Variants in GPLD1 observed in about 807,000 individuals in gnomAD.
The protein encoded by GPLD1 is phosphatidylinositol-glycan-specific phospholipase D.
A neutral mutation model predicts 112.6 loss-of-function variants in GPLD1; 84 were observed. The observed-to-expected ratio is 0.75, with a 90% CI of 0.63 to 0.89. The LOEUF is 0.89. GPLD1 is among the 40% of genes least tolerant of loss of function. The pLI is 0.00. For synonymous variants in GPLD1, 386 were observed against 403.8 expected, an observed-to-expected ratio of 0.96 and a Z score of 0.53; for missense variants, 1,044 against 1,051.5, an observed-to-expected ratio of 0.99 and a Z score of 0.10.
intron 7 of GPLD1, among the ~76,000 whole-genome samples, chr6:24,469,486 G>C (rs1763726752): frequency 1.1e-5 from 1 of 94,660 alleles, no homozygotes; most frequent in African/African-American, 4.1e-5. Flanking sequence ...TAGGGACATG[G>C]ATGAAATTGG....
chr6:24,473,078 CTT>C (rs71674147), intron 6 of GPLD1: 93,442 of 128,674 alleles, frequency 0.73, 35,763 homozygotes, highest in Non-Finnish European at 0.87. Context: ...GCCAGGCCGC[CTT>C]TTTTTTTTTT....
At chr6:24,479,806 A>G in intron 3 of GPLD1, 75 bp downstream of exon 3, 3 of 798,406 alleles carry the variant, frequency 3.8e-6, no homozygotes, top group Admixed American at 1.8e-5. Flanking sequence ...ACATATATAT[A>G]TATTTTTAAA....
At chr6:24,484,699 G>A (rs754095580) in intron 2 of GPLD1, among the ~76,000 whole-genome samples, 2 of 152,170 alleles carry the variant, frequency 1.3e-5, no homozygotes, top group African/African-American at 4.8e-5. Context: ...GCAGATTCTC[G>A]TTTCCACTCC....
chr6:24,471,154 C>G (rs572726132), intron 7 of GPLD1, among the ~76,000 whole-genome samples: 7 of 152,126 alleles, frequency 4.6e-5, no homozygotes, highest in Non-Finnish European at 8.8e-5. Flanking sequence ...ACCAAAAGGA[C>G]ATATCAGAAA....
rs1763206481 is a variant in GPLD1, at chr6:24,454,604, C to A, written c.1149-403G>T. Among the ~76,000 whole-genome samples the A allele has an allele frequency of 1.3e-5, 2 of 152,222 alleles. 1 individual carries two copies. The highest frequency in any genetic ancestry group is 4.8e-5 in the African/African-American group (2 of 41,448). The stretch of plus-strand genomic sequence containing the variant: ...TGCTCAATTCGTTTCAATGTGTTAT[C>A]TGATCAAAGACGAGCTTGTGTGAAA... On this transcript the variant is annotated intron_variant, in intron 13 of 24. Coordinates refer to ENST00000230036, the MANE Select transcript of GPLD1 (RefSeq NM_001503.4).
chr6:24,444,498 AT>A (rs567559014), intron 20 of GPLD1, among the ~76,000 whole-genome samples: 145 of 145,216 alleles, frequency 1.0e-3, no homozygotes, highest in African/African-American at 2.1e-3. Context: ...GTTCTTATTT[AT>A]TTTTTTTTTT....
At chr6:24,429,767 C>T (rs903422342) in intron 24 of GPLD1, among the ~76,000 whole-genome samples, 4 of 152,138 alleles carry the variant, frequency 2.6e-5, no homozygotes, top group African/African-American at 7.2e-5. Flanking sequence ...AGGCTGGTCT[C>T]GAACTCCCGA....
At chr6:24,460,449 C>T in intron 11 of GPLD1, 50 bp from the exon 12 acceptor site, 1 of 1,593,886 alleles carries the variant, frequency 6.3e-7, no homozygotes, top group Non-Finnish European at 8.5e-7. Context: ...AAAACAACCC[C>T]CTGTAAAACT....
At chr6:24,459,728 C>T (rs946515852) in intron 12 of GPLD1, among the ~76,000 whole-genome samples, 3 of 152,240 alleles carry the variant, frequency 2.0e-5, no homozygotes, top group African/African-American at 7.2e-5. Context: ...TAACAGCTAA[C>T]TTCATTGATT....
intron 15 of GPLD1, among the ~76,000 whole-genome samples, chr6:24,449,446 C>A (rs1763010875): frequency 6.6e-6 from 1 of 152,132 alleles, no homozygotes; most frequent in Non-Finnish European, 1.5e-5. Flanking sequence ...CCAGGGAAGT[C>A]ACCTCGCTGT....
Position 24,489,452 on chromosome 6 carries a change from T to A in GPLD1, c.60A>T (p.Arg20Ser). 2 of 1,613,814 alleles carry A rather than the reference T, an allele frequency of 1.2e-6. No individual in the cohort carries two copies. Among genetic ancestry groups the A allele is most frequent in the Non-Finnish European group, 1.7e-6 (2 of 1,179,736 alleles). ...LLIMLGSLCH[R>S]GSPCGLSTHV... ...GTGTTGAAAGGCCACACGGTGAACC[T>A]CTATGGCAGAGAGAACCCAACATGA... Residue 20 changes from arginine (R) to serine (S), a missense_variant, in exon 1 of 25, where the codon AGA (arginine) becomes AGT (serine). By Grantham distance (110) the Arg-to-Ser change is moderately radical. Coordinates refer to ENST00000230036, the MANE Select transcript of GPLD1 (RefSeq NM_001503.4).
At chr6:24,474,206 C>CACAT (rs1386205113) in intron 5 of GPLD1, among the ~76,000 whole-genome samples, 4 of 120,732 alleles carry the variant, frequency 3.3e-5, no homozygotes, top group Admixed American at 8.3e-5. Context: ...CACACACACA[C>CACAT]ATATATATGC....
intron 22 of GPLD1, among the ~76,000 whole-genome samples, chr6:24,433,768 T>C (rs1387763632): frequency 6.6e-6 from 1 of 152,126 alleles, no homozygotes; most frequent in African/African-American, 2.4e-5. Flanking sequence ...GTGCTGGGAT[T>C]ACAGGCATGA....
intron 20 of GPLD1, among the ~76,000 whole-genome samples, chr6:24,439,749 T>C (rs1461323146): frequency 6.6e-6 from 1 of 152,230 alleles, no homozygotes; most frequent in Non-Finnish European, 1.5e-5. Context: ...TGAAGAACTT[T>C]GGCTTTTAAA....
chr6:24,439,104 C>T (rs1443210841), intron 20 of GPLD1, among the ~76,000 whole-genome samples: 2 of 152,150 alleles, frequency 1.3e-5, no homozygotes, highest in African/African-American at 4.8e-5. Context: ...CTTTTCGTGC[C>T]TCCTAAAGGA....
At chr6:24,449,234 G>A (rs1198625826) in intron 15 of GPLD1, among the ~76,000 whole-genome samples, 1 of 152,026 alleles carries the variant, frequency 6.6e-6, no homozygotes, top group African/African-American at 2.4e-5. Context: ...GAGGAGGAAG[G>A]GGCAAGAGTT....
intron 24 of GPLD1, among the ~76,000 whole-genome samples, chr6:24,432,774 C>T (rs1297412289): frequency 6.6e-6 from 1 of 152,228 alleles, no homozygotes; most frequent in African/African-American, 2.4e-5. Flanking sequence ...TCTGCCACGG[C>T]AGCACGACAG....
At position 24,460,364 on chromosome 6, in the gene GPLD1, A is replaced by C; in HGVS notation, c.923T>G (p.Leu308Trp). 6.2e-7 allele frequency: 1 copy of C among 1,613,686 alleles called. No homozygotes were observed. Among genetic ancestry groups the C allele is most frequent in the Non-Finnish European group, 8.5e-7 (1 of 1,179,590 alleles). ...AACACTTTCAGTTAGGGATGTAGTC[A>C]AATTTCTGTGAAAATCATTTTTCTG... ...KMQKNDFHRN[L>W]TTSLTESVDR... Residue 308 changes from leucine (L) to tryptophan (W), a missense_variant, in exon 12 of 25, where the codon TTG becomes TGG. Coordinates refer to ENST00000230036, the MANE Select transcript of GPLD1 (RefSeq NM_001503.4).
intron 20 of GPLD1, among the ~76,000 whole-genome samples, chr6:24,438,263 G>GT (rs1379323650): frequency 1.3e-5 from 2 of 152,228 alleles, no homozygotes; most frequent in East Asian, 1.9e-4. Flanking sequence ...TCAATAAAGT[G>GT]TTTTTTGAAT....
Sources: gnomAD v4.1 joint callset for allele counts (sites outside exome capture counted in the v4.1 genomes callset) on GRCh38, gnomAD v4.1.1 for gene constraint, MANE v1.5 for transcripts, NCBI Gene and HGNC (gene_info 2026-07-23, HGNC 2026-07-21) for gene names.